The following ANKS1B variants were observed in gnomAD, a reference collection of about 807,000 sequenced individuals.
ANKS1B encodes ankyrin repeat and sterile alpha motif domain-containing protein 1B.
A neutral mutation model predicts 148.3 loss-of-function variants in ANKS1B; 36 were observed. The observed-to-expected ratio is 0.24, with a 90% CI of 0.19 to 0.32. The LOEUF is 0.32. Ranked by LOEUF, ANKS1B falls within the 10% of genes least tolerant of loss-of-function variation. The pLI is 1.00. For synonymous variants in ANKS1B, 542 were observed against 560.8 expected, an observed-to-expected ratio of 0.97 and a Z score of 0.47; for missense variants, 1,157 against 1,542.6, an observed-to-expected ratio of 0.75 and a Z score of 4.19.
At chr12:99,606,071 T>A (rs894904080) in intron 9 of ANKS1B, among the ~76,000 whole-genome samples, 24 of 152,086 alleles carry the variant, frequency 1.6e-4, no homozygotes, top group African/African-American at 5.8e-4. Flanking sequence ...CTATTTACAT[T>A]TCTCTGGTAA....
chr12:99,904,082 C>T (rs530150491), intron 1 of ANKS1B, among the ~76,000 whole-genome samples: 1 of 152,232 alleles, frequency 6.6e-6, no homozygotes, highest in African/African-American at 2.4e-5. Context: ...AATGCATGCC[C>T]TTGTAGGATT....
chr12:99,797,463 T>C (rs1287490726), intron 4 of ANKS1B, among the ~76,000 whole-genome samples: 1 of 151,912 alleles, frequency 6.6e-6, no homozygotes, highest in Non-Finnish European at 1.5e-5. Context: ...CTGAACAAGG[T>C]GAACCCAAAG....
intron 8 of ANKS1B, among the ~76,000 whole-genome samples, chr12:99,710,228 C>T (rs74394944): frequency 0.016 from 2,376 of 152,188 alleles, 78 homozygotes; most frequent in African/African-American, 0.054. Context: ...CATTAGAATT[C>T]CTCTTGACTT....
At chr12:99,961,132 G>A (rs1414193206) in intron 1 of ANKS1B, among the ~76,000 whole-genome samples, 2 of 152,180 alleles carry the variant, frequency 1.3e-5, no homozygotes, top group African/African-American at 4.8e-5. Context: ...AGGAGGCTGA[G>A]GCAGGAGAAT....
intron 14 of ANKS1B, among the ~76,000 whole-genome samples, chr12:99,236,434 T>C (rs1321676476): frequency 6.6e-6 from 1 of 152,102 alleles, no homozygotes; most frequent in East Asian, 1.9e-4. Flanking sequence ...AGGCACATCT[T>C]ACATGGCAGC....
intron 26 of ANKS1B, among the ~76,000 whole-genome samples, chr12:98,748,333 G>A (rs1237143739): frequency 6.6e-6 from 1 of 152,170 alleles, no homozygotes; most frequent in Admixed American, 6.5e-5. Context: ...TAAGCCTTGA[G>A]ACAAATCCTA....
intron 12 of ANKS1B, among the ~76,000 whole-genome samples, chr12:99,296,244 A>T (rs1240382564): frequency 1.3e-5 from 2 of 152,164 alleles, no homozygotes. Flanking sequence ...TTTATACTAT[A>T]TCTTGAAGTC....
chr12:99,551,149 G>A (rs1460903872), intron 9 of ANKS1B, among the ~76,000 whole-genome samples: 1 of 152,060 alleles, frequency 6.6e-6, no homozygotes, highest in African/African-American at 2.4e-5. Context: ...TTTCAGTAGT[G>A]TAAACAAAAC....
chr12:99,317,528 T>G (rs561082882), intron 12 of ANKS1B, among the ~76,000 whole-genome samples: 2 of 152,236 alleles, frequency 1.3e-5, no homozygotes, highest in African/African-American at 4.8e-5. Context: ...CTTGGGAGTT[T>G]GCTGAAGTTG....
At chr12:99,446,541 T>C (rs1360417601) in intron 10 of ANKS1B, among the ~76,000 whole-genome samples, 1 of 152,092 alleles carries the variant, frequency 6.6e-6, no homozygotes, top group African/African-American at 2.4e-5. Context: ...CAAAGTTATA[T>C]TCTCAGTTAC....
At chr12:99,645,780 A>G (rs2098356201) in intron 9 of ANKS1B, among the ~76,000 whole-genome samples, 1 of 152,192 alleles carries the variant, frequency 6.6e-6, no homozygotes, top group African/African-American at 2.4e-5. Flanking sequence ...GAGGAATTTC[A>G]GACAAACCCC....
At chr12:99,678,361 T>G (rs1274666612) in intron 8 of ANKS1B, among the ~76,000 whole-genome samples, 1 of 152,194 alleles carries the variant, frequency 6.6e-6, no homozygotes, top group Non-Finnish European at 1.5e-5. Flanking sequence ...AGTGTACTCT[T>G]GGAGGCTAGA....
intron 12 of ANKS1B, among the ~76,000 whole-genome samples, chr12:99,345,541 G>T (rs980725440): frequency 2.6e-5 from 4 of 151,896 alleles, no homozygotes; most frequent in African/African-American, 9.7e-5. Flanking sequence ...AACTTTAAAA[G>T]CATAAAGGAC....
chr12:99,506,070 T>C lies in ANKS1B; in HGVS notation c.1273-1429A>G, dbSNP rs1309595084. Among the ~76,000 whole-genome samples, 3 of 151,996 alleles carry C rather than the reference T, an allele frequency of 2.0e-5. No individual in the cohort carries two copies. In the East Asian group the frequency reaches 5.8e-4, roughly 29 times the overall value. ...TGAGAGAGTTATCTATCATAGGGTA[T>C]ATTGCTAGCCCAGGAAAATATTCAA... On this transcript the variant is annotated intron_variant, in intron 9 of 26. Transcript: ENST00000683438.
intron 17 of ANKS1B, among the ~76,000 whole-genome samples, chr12:98,888,836 TG>T (rs1661454880): frequency 1.3e-5 from 2 of 152,262 alleles, no homozygotes; most frequent in South Asian, 4.1e-4. Flanking sequence ...CCATCTGAAA[TG>T]ATCTTCTCCA....
downstream of ANKS1B, among the ~76,000 whole-genome samples, chr12:98,740,265 C>T (rs546554227): frequency 2.3e-4 from 35 of 152,234 alleles, no homozygotes; most frequent in African/African-American, 7.7e-4. Flanking sequence ...TAAATGTCCC[C>T]GGGTGATTCC....
At chr12:99,542,518 TAA>T (rs34058101) in intron 9 of ANKS1B, among the ~76,000 whole-genome samples, 2 of 151,648 alleles carry the variant, frequency 1.3e-5, no homozygotes, top group African/African-American at 4.8e-5. Flanking sequence ...AAAATCCCTA[TAA>T]AAAAAATCCG....
At chr12:98,995,429 A>G (rs1020096377) in intron 17 of ANKS1B, among the ~76,000 whole-genome samples, 1 of 152,016 alleles carries the variant, frequency 6.6e-6, no homozygotes, top group Non-Finnish European at 1.5e-5. Context: ...CATCTCTACT[A>G]AAAAAAATTT....
At chr12:99,571,185 A>G (rs756594967) in intron 9 of ANKS1B, among the ~76,000 whole-genome samples, 3 of 152,096 alleles carry the variant, frequency 2.0e-5, no homozygotes, top group Admixed American at 6.6e-5. Flanking sequence ...TTTGATAACA[A>G]TGCATGTGAT....
Sources: allele counts gnomAD v4.1 joint callset (sites outside exome capture counted in the v4.1 genomes callset), GRCh38; gene constraint gnomAD v4.1.1; transcripts MANE v1.5; gene names NCBI Gene and HGNC (gene_info 2026-07-23, HGNC 2026-07-21).